UNC13C: variants seen among roughly 807,000 people sequenced by gnomAD.
UNC13C encodes unc-13 homolog C.
In UNC13C, 174 loss-of-function variants were observed where a neutral mutation model predicts 245.4. The ratio of observed to expected loss-of-function variants is 0.71; its 90% CI spans 0.63 to 0.80. The LOEUF is 0.80. UNC13C is among the 30% of genes least tolerant of loss of function. The pLI, the probability that UNC13C is intolerant of heterozygous loss-of-function variation, is 0.00. For synonymous variants in UNC13C, 992 were observed against 895.1 expected, an observed-to-expected ratio of 1.11 and a Z score of -1.93; for missense variants, 2,829 against 2,602.9, an observed-to-expected ratio of 1.09 and a Z score of -1.89.
intron 30 of UNC13C, among the ~76,000 whole-genome samples, chr15:54,615,820 C>T (rs1293152199): frequency 1.3e-5 from 2 of 152,002 alleles, no homozygotes; most frequent in South Asian, 2.1e-4. Flanking sequence ...CTAACCAATT[C>T]TGTGGATTCC....
At chr15:54,346,107 C>T (rs1429593972) in intron 17 of UNC13C, among the ~76,000 whole-genome samples, 4 of 152,182 alleles carry the variant, frequency 2.6e-5, no homozygotes, top group Admixed American at 6.5e-5. Flanking sequence ...TCAGGTGCAT[C>T]ATGTGATATC....
intron 4 of UNC13C, among the ~76,000 whole-genome samples, chr15:54,195,422 CT>C (rs2034321286): frequency 6.6e-6 from 1 of 152,112 alleles, no homozygotes; most frequent in Non-Finnish European, 1.5e-5. Context: ...TTGGAAAGAG[CT>C]GTGGGGATGC....
At chr15:54,193,863 A>C (rs1341085403) in intron 4 of UNC13C, among the ~76,000 whole-genome samples, 1 of 152,132 alleles carries the variant, frequency 6.6e-6, no homozygotes, top group Non-Finnish European at 1.5e-5. Flanking sequence ...GGTAGCTTTT[A>C]TGGAATAATT....
At chr15:54,485,085 A>G (rs1231515701) in intron 19 of UNC13C, among the ~76,000 whole-genome samples, 1 of 152,168 alleles carries the variant, frequency 6.6e-6, no homozygotes, top group Non-Finnish European at 1.5e-5. Flanking sequence ...CAGAAAAAAA[A>G]ATGAGTAAGA....
the UNC13C span, among the ~76,000 whole-genome samples, chr15:53,852,445 ACAT>A: frequency 3.2e-4 from 49 of 152,228 alleles, no homozygotes; most frequent in African/African-American, 1.1e-3. Context: ...CCCTAGCTTG[ACAT>A]CATGGGGTTT....
intron 4 of UNC13C, among the ~76,000 whole-genome samples, chr15:54,153,615 C>A (rs948022694): frequency 1.3e-5 from 2 of 152,008 alleles, no homozygotes; most frequent in East Asian, 3.8e-4. Context: ...ATTTCTGGAT[C>A]TGTTCTATTA....
chr15:54,294,075 T>C lies in UNC13C; in HGVS notation c.3988+11T>C. The C allele has an allele frequency of 6.7e-7, 1 of 1,501,332 alleles. No homozygotes were observed. The highest frequency in any genetic ancestry group is 1.4e-5 in the South Asian group (1 of 72,092). 93.0% of individuals were successfully genotyped at this position (1,501,332 alleles called of 1,614,324 possible). ...TCTGGTACAACTTAGGTGATTTTTT[T>C]TTTTATCTACTTGAAAACGAGTTAA... is the stretch of plus-strand genomic sequence containing the variant. On this transcript the variant is annotated intron_variant, in intron 11 of 32. Coordinates refer to ENST00000260323, the MANE Select transcript of UNC13C (RefSeq NM_001080534.3).
Position 54,346,260 on chromosome 15 carries a change from G to T in UNC13C, c.4713+7771G>T, listed in dbSNP as rs73415762. ...ATTTAAAGAAAAAGGCAGTGCCTTAGTTACTTATTTGTAGTATCCTTCAGT... is the reference window on the plus strand; with the variant it reads ...ATTTAAAGAAAAAGGCAGTGCCTTATTTACTTATTTGTAGTATCCTTCAGT... On this transcript the variant is annotated intron_variant, in intron 17 of 32. Transcript: ENST00000260323. 7.9e-3 allele frequency among the ~76,000 whole-genome samples: 1,204 copies of T among 152,252 alleles called. 11 individuals carry two copies. The highest frequency in any genetic ancestry group is 0.028 in the African/African-American group (1,150 of 41,540).
At chr15:54,353,573 C>A (rs1175001083) in intron 17 of UNC13C, among the ~76,000 whole-genome samples, 1 of 152,176 alleles carries the variant, frequency 6.6e-6, no homozygotes. Flanking sequence ...TGGGCTTCTG[C>A]TAAAACTATC....
chr15:54,465,459 T>C (rs1157290539), intron 19 of UNC13C, among the ~76,000 whole-genome samples: 1 of 152,022 alleles, frequency 6.6e-6, no homozygotes, highest in African/African-American at 2.4e-5. Context: ...GGGGAAGGGT[T>C]AATAAGAAAA....
chr15:54,342,794 T>C (rs1377279947), intron 17 of UNC13C, among the ~76,000 whole-genome samples: 1 of 152,166 alleles, frequency 6.6e-6, no homozygotes, highest in African/African-American at 2.4e-5. Context: ...GTTTTTGTTT[T>C]TTTTGTTTTG....
chr15:54,626,638 A>G (rs1236226583), intron 32 of UNC13C, among the ~76,000 whole-genome samples, 190 bp from the exon 33 acceptor site: 1 of 152,066 alleles, frequency 6.6e-6, no homozygotes, highest in Non-Finnish European at 1.5e-5. Context: ...TGTCTTTTCT[A>G]TCTAGGGAAA....
chr15:54,231,920 A>T (rs2140817942), intron 4 of UNC13C, among the ~76,000 whole-genome samples: 1 of 152,216 alleles, frequency 6.6e-6, no homozygotes, highest in South Asian at 2.1e-4. Context: ...ATTTATTTAT[A>T]TATGAATATT....
the UNC13C span, chr15:53,948,471 G>C: frequency 6.6e-6 from 1 of 152,002 alleles, no homozygotes; most frequent in African/African-American, 2.4e-5. Context: ...AAAATTAGCT[G>C]GGTGTGGTCA....
chr15:54,211,033 T>G (rs1409212228), intron 4 of UNC13C, among the ~76,000 whole-genome samples: 1 of 152,116 alleles, frequency 6.6e-6, no homozygotes, highest in African/African-American at 2.4e-5. Context: ...TGCAGGGCAT[T>G]CATGAAGAAT....
the UNC13C span, among the ~76,000 whole-genome samples, chr15:53,874,720 A>G: frequency 6.6e-5 from 10 of 152,148 alleles, no homozygotes; most frequent in South Asian, 1.2e-3. Flanking sequence ...ATTCCTTTGA[A>G]ACTTATACCA....
At chr15:54,518,957 ATTG>A (rs1895097892) in intron 24 of UNC13C, among the ~76,000 whole-genome samples, 1 of 152,094 alleles carries the variant, frequency 6.6e-6, no homozygotes, top group Admixed American at 6.5e-5. Context: ...TTCCTTTCCC[ATTG>A]TTATAAAACG....
Position 54,014,625 on chromosome 15 carries a change from T to C in UNC13C, c.1722T>C (p.Asn574=), listed in dbSNP as rs776616360. ...FSENQFFTRT[N]GSSLLSSSDR... ...AAAATCAGTTTTTCACTAGAACTAA[T>C]GGAAGCTCTCTCCTGTCATCTTCGG... The change falls in exon 2 of 33, where the codon AAT becomes AAC. Residue 574 remains asparagine, a synonymous_variant. Transcript: ENST00000260323. The C allele has an allele frequency of 1.9e-6, 3 of 1,613,744 alleles. No homozygotes were observed. The highest frequency in any genetic ancestry group is 1.7e-5 in the Admixed American group (1 of 59,946).
chr15:54,411,310 A>T lies in UNC13C; in HGVS notation c.4848-3672A>T, dbSNP rs373624046. On this transcript the variant is annotated intron_variant, in intron 18 of 32. Coordinates refer to ENST00000260323, the MANE Select transcript of UNC13C (RefSeq NM_001080534.3). The stretch of plus-strand genomic sequence containing the variant: ...TTGTGGCTTATGTTTTTGTTTTCTC[A>T]ACAGTGTCTTTTGAAGATCAGATTT... Among the ~76,000 whole-genome samples the T allele has an allele frequency of 2.0e-5, 3 of 152,044 alleles. No homozygotes were observed. In the East Asian group the frequency reaches 5.8e-4, roughly 29 times the overall value.
Sources: gnomAD v4.1 joint callset for allele counts (sites outside exome capture counted in the v4.1 genomes callset) on GRCh38, gnomAD v4.1.1 for gene constraint, MANE v1.5 for transcripts, NCBI Gene and HGNC (gene_info 2026-07-23, HGNC 2026-07-21) for gene names.